The following NCKAP5 variants were observed in gnomAD, a reference collection of about 807,000 sequenced individuals.
NCKAP5 encodes nck-associated protein 5.
In NCKAP5, 92 loss-of-function variants were observed where a neutral mutation model predicts 167.0. The ratio of observed to expected loss-of-function variants is 0.55; its 90% CI spans 0.47 to 0.66. The LOEUF is 0.66. NCKAP5 is among the 30% of genes least tolerant of loss of function. The pLI, the probability that NCKAP5 is intolerant of heterozygous loss-of-function variation, is 0.00. For synonymous variants in NCKAP5, 891 were observed against 877.4 expected, an observed-to-expected ratio of 1.02 and a Z score of -0.27; for missense variants, 2,378 against 2,315.0, an observed-to-expected ratio of 1.03 and a Z score of -0.56.
intron 16 of NCKAP5, among the ~76,000 whole-genome samples, chr2:132,739,570 C>T (rs999724384): frequency 4.6e-5 from 7 of 152,020 alleles, no homozygotes; most frequent in Admixed American, 3.9e-4. Flanking sequence ...TTTCTATAAC[C>T]GGTTGTCAGG....
intron 16 of NCKAP5, among the ~76,000 whole-genome samples, chr2:132,740,735 C>T (rs1679109722): frequency 1.3e-5 from 2 of 152,106 alleles, no homozygotes; most frequent in South Asian, 4.1e-4. Flanking sequence ...ATGTGCTTTC[C>T]AATCTCTTGT....
intron 6 of NCKAP5, chr2:133,118,551 G>A (rs1479416662): frequency 1.3e-5 from 2 of 152,130 alleles, no homozygotes; most frequent in East Asian, 3.9e-4. Context: ...CTATGTGCCA[G>A]GCTAAAATCA....
intron 16 of NCKAP5, among the ~76,000 whole-genome samples, chr2:132,758,621 C>G (rs1680750907): frequency 6.6e-6 from 1 of 152,076 alleles, no homozygotes; most frequent in South Asian, 2.1e-4. Flanking sequence ...GAATGATAAC[C>G]TGAAACTTTA....
intron 2 of NCKAP5, among the ~76,000 whole-genome samples, chr2:133,522,775 G>C (rs1684578672): frequency 6.6e-6 from 1 of 152,216 alleles, no homozygotes; most frequent in African/African-American, 2.4e-5. Context: ...ATTTTGTCAT[G>C]ATTTTGAAAT....
In NCKAP5 at chr2:132,688,915, G is replaced by C. The variant is rs1158760514; in HGVS notation, c.5714-15610C>G. On this transcript the variant is annotated intron_variant, in intron 19 of 19. Transcript: ENST00000409261. ...GTGGGAGGATTGATCAAGCCCAGGAGATTGAGGCTACAGTGAGCCGTGATG... is the reference window on the plus strand; with the variant it reads ...GTGGGAGGATTGATCAAGCCCAGGACATTGAGGCTACAGTGAGCCGTGATG... Among the ~76,000 whole-genome samples, 3 of 138,162 alleles carry C rather than the reference G, an allele frequency of 2.2e-5. No homozygotes were observed. The East Asian group carries it at 6.9e-4, about 32-fold the overall frequency. 90.6% of individuals were successfully genotyped at this position (138,162 alleles called of 152,430 possible). A position where few individuals can be genotyped will look rare whatever the true frequency, so the allele number is the denominator to read the frequency against.
At chr2:132,952,376 C>G (rs577104580) in intron 8 of NCKAP5, among the ~76,000 whole-genome samples, 23 of 152,232 alleles carry the variant, frequency 1.5e-4, no homozygotes, top group African/African-American at 5.3e-4. Context: ...GACATATTGG[C>G]TTTTTCTATC....
chr2:132,974,160 T>A (rs933482955), intron 7 of NCKAP5, among the ~76,000 whole-genome samples: 22 of 152,196 alleles, frequency 1.4e-4, no homozygotes, highest in African/African-American at 5.1e-4. Flanking sequence ...TTTAACTTGA[T>A]GGCAAAATGA....
intron 3 of NCKAP5, among the ~76,000 whole-genome samples, chr2:133,481,799 G>A (rs1394169602): frequency 6.6e-6 from 1 of 152,166 alleles, no homozygotes; most frequent in Non-Finnish European, 1.5e-5. Flanking sequence ...ATTTCATGGT[G>A]TGTATGTACC....
chr2:133,613,452 G>A, the NCKAP5 span, among the ~76,000 whole-genome samples: 1 of 152,188 alleles, frequency 6.6e-6, no homozygotes, highest in African/African-American at 2.4e-5. Flanking sequence ...TAGCTAAGTA[G>A]TATTTTTCTA....
intron 8 of NCKAP5, among the ~76,000 whole-genome samples, chr2:132,919,262 G>C (rs1372109901): frequency 6.6e-6 from 1 of 152,156 alleles, no homozygotes; most frequent in Non-Finnish European, 1.5e-5. Context: ...GCACTCCCAG[G>C]ATGTGTTCAC....
chr2:132,936,332 T>C (rs370490460), intron 8 of NCKAP5, among the ~76,000 whole-genome samples: 13 of 152,078 alleles, frequency 8.5e-5, no homozygotes, highest in African/African-American at 2.7e-4. Context: ...ACAACCTAAA[T>C]CCAAACTAAC....
intron 11 of NCKAP5, among the ~76,000 whole-genome samples, chr2:132,853,967 C>A (rs766416881): frequency 4.6e-5 from 7 of 152,160 alleles, no homozygotes; most frequent in Non-Finnish European, 1.0e-4. Flanking sequence ...CTTGGAGCCA[C>A]TTCATTTGTG....
intron 6 of NCKAP5, among the ~76,000 whole-genome samples, chr2:133,016,043 C>CA (rs36063397): frequency 6.6e-6 from 1 of 150,816 alleles, no homozygotes; most frequent in Admixed American, 6.6e-5. Flanking sequence ...AGGACATGAA[C>CA]AAAAAAAATT....
chr2:133,409,658 G>T (rs763243754), intron 3 of NCKAP5, among the ~76,000 whole-genome samples: 3 of 152,132 alleles, frequency 2.0e-5, no homozygotes, highest in Non-Finnish European at 4.4e-5. Context: ...TTAGTTGTCT[G>T]AGAACACCCT....
intron 1 of NCKAP5, among the ~76,000 whole-genome samples, chr2:133,560,187 A>T (rs759412636): frequency 5.3e-5 from 8 of 152,256 alleles, no homozygotes; most frequent in Non-Finnish European, 7.3e-5. Flanking sequence ...TGAGGTATAA[A>T]CATGAATATT....
the NCKAP5 span, among the ~76,000 whole-genome samples, chr2:133,631,824 G>A: frequency 1.3e-5 from 2 of 152,142 alleles, no homozygotes; most frequent in African/African-American, 4.8e-5. Flanking sequence ...AGTTAACACT[G>A]AAATAGTAAA....
At chr2:133,329,608 G>A (rs962221314) in intron 3 of NCKAP5, among the ~76,000 whole-genome samples, 3 of 152,240 alleles carry the variant, frequency 2.0e-5, no homozygotes, top group African/African-American at 7.2e-5. Flanking sequence ...GACTATATAA[G>A]CCCACTGGAA....
chr2:132,963,123 T>C (rs921456415), intron 8 of NCKAP5, among the ~76,000 whole-genome samples: 3 of 152,210 alleles, frequency 2.0e-5, no homozygotes, highest in South Asian at 2.1e-4. Context: ...GAATTAACAC[T>C]TGAAATAATG....
At chr2:132,825,818 G>A (rs1323509680) in intron 11 of NCKAP5, among the ~76,000 whole-genome samples, 3 of 152,218 alleles carry the variant, frequency 2.0e-5, no homozygotes, top group Non-Finnish European at 4.4e-5. Context: ...ACATACTTAT[G>A]TGCTAAAAAT....
Sources: gnomAD v4.1 joint callset for allele counts (sites outside exome capture counted in the v4.1 genomes callset) on GRCh38, gnomAD v4.1.1 for gene constraint, MANE v1.5 for transcripts, NCBI Gene and HGNC (gene_info 2026-07-23, HGNC 2026-07-21) for gene names.